Variants in SOS1 observed in about 807,000 individuals in gnomAD.
The protein encoded by SOS1 is son of sevenless homolog 1.
SOS1 carries 25 observed loss-of-function variants against 157.6 expected under a neutral mutation model. The observed-to-expected ratio is 0.16, with a 90% CI of 0.12 to 0.22. The LOEUF (loss-of-function observed/expected upper bound fraction) is 0.22, where lower values mean the gene tolerates loss of function less well. Ranked by LOEUF, SOS1 falls within the 10% of genes least tolerant of loss-of-function variation. The pLI is 1.00. For synonymous variants in SOS1, 528 were observed against 534.0 expected (o/e 0.99, Z 0.16); for missense variants, 1,237 against 1,599.1 (o/e 0.77, Z 3.86).
chr2:39,095,811 G>A (rs895343964), intron 1 of SOS1, among the ~76,000 whole-genome samples: 17 of 152,218 alleles, frequency 1.1e-4, no homozygotes, highest in Non-Finnish European at 8.8e-5. Flanking sequence ...CAACATTACA[G>A]AATGGTTGAG....
In SOS1 at chr2:39,007,176, T is replaced by C; in HGVS notation, c.2528A>G (p.Glu843Gly). 2 of 1,601,730 alleles carry C rather than the reference T, an allele frequency of 1.2e-6. No homozygotes were observed. Among genetic ancestry groups the C allele is most frequent in the Non-Finnish European group, 1.7e-6 (2 of 1,168,916 alleles). Residue 843 changes from glutamate to glycine, a missense_variant, in exon 16 of 23, where the codon GAA becomes GGA. Physicochemically the swap from Glu to Gly is moderately conservative, Grantham distance 98 (BLOSUM62 -2). Transcript: ENST00000402219. ...LWFEKCIVET[E>G]NLEERVAVVS... ...CACAGCTACTCTTTCTTCTAAATTT[T>C]CAGTTTCTACAATACATCTGGGAAT... is the stretch of plus-strand genomic sequence containing the variant.
intron 6 of SOS1, among the ~76,000 whole-genome samples, chr2:39,037,835 A>G (rs1317745230): frequency 6.6e-6 from 1 of 152,182 alleles, no homozygotes; most frequent in Non-Finnish European, 1.5e-5. Context: ...TATAAATGCA[A>G]CAGCAAAGCC....
At chr2:39,047,207 A>T (rs2124588783) in intron 6 of SOS1, among the ~76,000 whole-genome samples, 1 of 152,278 alleles carries the variant, frequency 6.6e-6, no homozygotes, top group Middle Eastern at 3.4e-3. Context: ...GTCTTATTAT[A>T]CTCAGTATTA....
chr2:39,020,691 C>G (rs1362091929), intron 10 of SOS1, among the ~76,000 whole-genome samples: 1 of 151,698 alleles, frequency 6.6e-6, no homozygotes, highest in Non-Finnish European at 1.5e-5. Flanking sequence ...CACAGATGGT[C>G]TATTAAAAAC....
intron 14 of SOS1, among the ~76,000 whole-genome samples, chr2:39,011,575 A>G (rs1391852452): frequency 6.6e-6 from 1 of 152,194 alleles, no homozygotes; most frequent in African/African-American, 2.4e-5. Flanking sequence ...TTAGTTATTA[A>G]AAAGTGAATA....
intron 6 of SOS1, among the ~76,000 whole-genome samples, chr2:39,045,129 C>A (rs536707097): frequency 8.5e-5 from 13 of 152,098 alleles, no homozygotes; most frequent in Admixed American, 7.9e-4. Flanking sequence ...AGTACAGATA[C>A]AATTATGCTT....
chr2:39,114,324 A>C (rs1673562540), intron 1 of SOS1, among the ~76,000 whole-genome samples: 1 of 141,130 alleles, frequency 7.1e-6, no homozygotes, highest in Admixed American at 7.2e-5. Flanking sequence ...TTTTTCTGAG[A>C]TGGAGTTTCA....
intron 8 of SOS1, among the ~76,000 whole-genome samples, chr2:39,030,762 T>G (rs773368174): frequency 6.6e-6 from 1 of 152,158 alleles, no homozygotes; most frequent in Non-Finnish European, 1.5e-5. Flanking sequence ...AATGTGATCT[T>G]CTTTGGAAAT....
chr2:38,995,486 A>C, intron 19 of SOS1, 99 bp from the exon 20 acceptor site: 2 of 868,870 alleles, frequency 2.3e-6, no homozygotes, highest in South Asian at 1.4e-5. Flanking sequence ...TATACAGGAA[A>C]ATCATAAATC....
intron 6 of SOS1, 85 bp downstream of exon 6, chr2:39,051,059 T>C (rs967344221): frequency 3.2e-6 from 4 of 1,238,238 alleles, no homozygotes; most frequent in Non-Finnish European, 3.6e-6. Flanking sequence ...TCTATGACTT[T>C]AGCTGGAAAG....
intron 6 of SOS1, among the ~76,000 whole-genome samples, chr2:39,045,273 A>AGAGAGAGAGTGTGTGTGTGT (rs138343013): frequency 9.3e-6 from 1 of 108,090 alleles, no homozygotes; most frequent in Non-Finnish European, 1.9e-5. Context: ...AGAGAGAGAG[A>AGAGAGAGAGTGTGTGTGTGT]GTGTGTGTGT....
At chr2:39,031,396 C>T (rs1670156276) in intron 8 of SOS1, among the ~76,000 whole-genome samples, 1 of 152,070 alleles carries the variant, frequency 6.6e-6, no homozygotes, top group South Asian at 2.1e-4. Context: ...AAAGTTAATA[C>T]CTTTGTGGAA....
At chr2:38,998,857 G>C (rs1418002151) in intron 17 of SOS1, among the ~76,000 whole-genome samples, 3 of 152,164 alleles carry the variant, frequency 2.0e-5, no homozygotes, top group African/African-American at 7.2e-5. Flanking sequence ...ATTCTCTGCT[G>C]TAAGCCAAGT....
At chr2:39,061,553 A>G (rs1026735482) in intron 2 of SOS1, among the ~76,000 whole-genome samples, 2 of 151,868 alleles carry the variant, frequency 1.3e-5, no homozygotes, top group African/African-American at 4.8e-5. Flanking sequence ...TGCCCAGCTA[A>G]TTTTGTTATT....
At chr2:39,121,314 T>C (rs1411612619), upstream of SOS1, among the ~76,000 whole-genome samples, 3 of 152,246 alleles carry the variant, frequency 2.0e-5, no homozygotes, top group Non-Finnish European at 4.4e-5. Flanking sequence ...CCCACCCTTC[T>C]CGGAGTCCCT....
chr2:39,081,051 G>A (rs181630534), intron 1 of SOS1, among the ~76,000 whole-genome samples: 1 of 151,804 alleles, frequency 6.6e-6, no homozygotes, highest in Non-Finnish European at 1.5e-5. Flanking sequence ...AAATTAGCTG[G>A]GTTTGGGTGG....
chr2:39,050,483 T>C (rs1286397071), intron 6 of SOS1, among the ~76,000 whole-genome samples: 1 of 152,176 alleles, frequency 6.6e-6, no homozygotes, highest in Non-Finnish European at 1.5e-5. Flanking sequence ...TTCACAAAAA[T>C]CCTGAGATTA....
rs766864647 is a variant in SOS1, at chr2:38,995,376, A to G, written c.3093T>C (p.Tyr1031=). The G allele has an allele frequency of 2.4e-5, 38 of 1,613,228 alleles. No individual in the cohort carries two copies. The South Asian group carries it at 2.9e-4, about 12-fold the overall frequency. Residue 1031 remains tyrosine, a synonymous_variant, in exon 20 of 23, where the codon TAT becomes TAC. Transcript: ENST00000402219. ...CACCAGGAGATTTTAGGGGATAGCT[A>G]TATTTTTTTGGCTGTAGACATATCA... is the stretch of plus-strand genomic sequence containing the variant. ...PKPLPRFPKK[Y]SYPLKSPGVR... is the part of the protein sequence containing the mutation.
At chr2:39,122,223 A>G (rs565553887), upstream of SOS1, among the ~76,000 whole-genome samples, 293 of 151,892 alleles carry the variant, frequency 1.9e-3, 2 homozygotes, top group African/African-American at 5.8e-3. Context: ...TGAGGTCAGG[A>G]GTTCCAGACT....
Sources: allele counts gnomAD v4.1 joint callset (sites outside exome capture counted in the v4.1 genomes callset), GRCh38; gene constraint gnomAD v4.1.1; transcripts MANE v1.5; gene names NCBI Gene and HGNC (gene_info 2026-07-23, HGNC 2026-07-21).